The following ZACN variants were observed in gnomAD, a reference collection of about 807,000 sequenced individuals.
ZACN encodes the protein ligand-gated cation channel ZACN.
A neutral mutation model predicts 38.9 loss-of-function variants in ZACN; 52 were observed. The observed-to-expected ratio is 1.34, with a 90% CI of 1.07 to 1.68. The LOEUF (loss-of-function observed/expected upper bound fraction) is 1.68. ZACN is among the 40% of genes most tolerant of loss of function. The pLI, the probability that ZACN is intolerant of heterozygous loss-of-function variation, is 0.00. For missense variants in ZACN, 559 were observed against 525.6 expected, an observed-to-expected ratio of 1.06 and a Z score of -0.62; for synonymous variants, 235 against 227.4, an observed-to-expected ratio of 1.03 and a Z score of -0.30.
At chr17:76,080,042 C>A in intron 4 of ZACN, 48 bp downstream of exon 4, 1 of 1,501,444 alleles carries the variant, frequency 6.7e-7, no homozygotes, top group South Asian at 1.2e-5. Flanking sequence ...CATAGCCCTC[C>A]TTTTCCCCCA....
Position 76,081,404 on chromosome 17 carries a change from T to C in ZACN, c.669+2T>C, listed in dbSNP as rs775035609. 4 of 1,613,894 alleles carry C rather than the reference T, an allele frequency of 2.5e-6. No individual in the cohort carries two copies. Among genetic ancestry groups the C allele is most frequent in the African/African-American group, 2.7e-5 (2 of 74,902 alleles). On this transcript the variant is annotated splice_donor_variant, in intron 6 of 8. Transcript: ENST00000334586. LOFTEE classifies it high-confidence loss of function. ...CTGGTGCCCTGCTTCCAGGTGACGG[T>C]GAGTCAAGTCGGGAGGAGGCCGACA...
At position 76,082,459 on chromosome 17, in the gene ZACN, A is replaced by C. The variant is rs781738913; in HGVS notation, c.1049-4A>C. 3 of 1,603,600 alleles carry C rather than the reference A, an allele frequency of 1.9e-6. No individual in the cohort carries two copies. The African/African-American group carries it at 4.0e-5, about 21-fold the overall frequency. On this transcript the variant is annotated splice_region_variant and splice_polypyrimidine_tract_variant and intron_variant, in intron 8 of 8. Coordinates refer to ENST00000334586, the MANE Select transcript of ZACN (RefSeq NM_180990.4). ...AGCTCCTTTCCCTGTATCTCTCCCCACAGAGCCCTCCAGAGGAGTAAAGGG... is the reference window on the plus strand; with the variant it reads ...AGCTCCTTTCCCTGTATCTCTCCCCCCAGAGCCCTCCAGAGGAGTAAAGGG...
chr17:76,081,690 A>G lies in ZACN; in HGVS notation c.815A>G (p.Tyr272Cys). The change falls in exon 7 of 9, where the codon TAC becomes TGC. Residue 272 changes from tyrosine to cysteine, a missense_variant. Transcript: ENST00000334586. ...TACAAGGTGACATTGCTGCTGAGTT[A>G]CCTCGTCCTCCACTCCTCCCTGGTG... The part of the protein sequence containing the change: ...IGYKVTLLLS[Y>C]LVLHSSLVQA... 6.2e-7 allele frequency: 1 copy of G among 1,613,954 alleles called. No homozygotes were observed. The highest frequency in any genetic ancestry group is 8.5e-7 in the Non-Finnish European group (1 of 1,179,994).
Position 76,079,894 on chromosome 17 carries a change from C to G in ZACN, c.274C>G (p.Leu92Val), listed in dbSNP as rs201792263. Residue 92 changes from leucine to valine, a missense_variant, in exon 4 of 9, where the codon CTG becomes GTG. Leu to Val is a conservative substitution (Grantham distance 32). Transcript: ENST00000334586. ...SSMLLLRLSWLDTRLAWNTSA... is the reference protein window; with the variant it reads ...SSMLLLRLSWVDTRLAWNTSA... ...GGTGCCCTTGTGTCCCCAGTCCTGG[C>G]TGGACACTCGCCTGGCCTGGAACAC... The G allele has an allele frequency of 1.3e-6, 2 of 1,594,328 alleles. No homozygotes were observed. Among genetic ancestry groups the G allele is most frequent in the East Asian group, 4.6e-5 (2 of 43,592 alleles).
Position 76,082,529 on chromosome 17 carries a change from T to C in ZACN, c.1115T>C (p.Leu372Pro), listed in dbSNP as rs1212982084. The change falls in exon 9 of 9, where the codon CTC becomes CCC. Residue 372 changes from leucine (L) to proline (P), a missense_variant. Physicochemically the swap from Leu to Pro is moderately conservative, Grantham distance 98. Coordinates refer to ENST00000334586, the MANE Select transcript of ZACN (RefSeq NM_180990.4). ...WPETADRIFFLVYVVGVLCTQ... is the reference protein window; with the variant it reads ...WPETADRIFFPVYVVGVLCTQ... ...GAGACTGCTGACCGCATCTTCTTCC[T>C]CGTGTATGTGGTTGGGGTGCTGTGC... 6.2e-7 allele frequency: 1 copy of C among 1,613,862 alleles called. No individual in the cohort carries two copies. The highest frequency in any genetic ancestry group is 1.1e-5 in the South Asian group (1 of 91,086).
At chr17:76,082,219 G>A in intron 8 of ZACN, 170 bp downstream of exon 8, 1 of 929,640 alleles carries the variant, frequency 1.1e-6, no homozygotes, top group Non-Finnish European at 1.6e-6. Context: ...GTCTGGGGCA[G>A]GGAGCAAGCT....
chr17:76,080,264 G>A lies in ZACN; in HGVS notation c.384G>A (p.Val128=), dbSNP rs772540086. The A allele has an allele frequency of 5.0e-6, 8 of 1,613,256 alleles. No individual in the cohort carries two copies. Among genetic ancestry groups the A allele is most frequent in the South Asian group, 2.2e-5 (2 of 91,022 alleles). ...PRLTILEALW[V]DWRDQSPQAR... ...GTGCCTTTCCCCACAGGCTCTGGGT[G>A]GACTGGAGGGACCAGAGCCCCCAGG... Residue 128 remains valine, a synonymous_variant, in exon 5 of 9, where the codon GTG becomes GTA. Transcript: ENST00000334586.
In ZACN at chr17:76,079,537, GTGTT is replaced by G. The variant is rs750277182; in HGVS notation, c.200_203del (p.Phe67SerfsTer72). 59 of 1,614,098 alleles carry G rather than the reference GTGTT, an allele frequency of 3.7e-5. No individual in the cohort carries two copies. Among genetic ancestry groups the G allele is most frequent in the Non-Finnish European group, 5.0e-5 (59 of 1,180,056 alleles). On this transcript the variant is annotated frameshift_variant, in exon 2 of 9. Coordinates refer to ENST00000334586, the MANE Select transcript of ZACN (RefSeq NM_180990.4). LOFTEE classifies it high-confidence loss of function. Reference sequence around the variant, plus strand: ...TGCGCCCCTGCTCGTGGATGTGCGGGTGTTTGTCTCCAACGTGTTTAATGTGGTA... The same window carrying G: ...TGCGCCCCTGCTCGTGGATGTGCGGGTGTCTCCAACGTGTTTAATGTGGTA...
At chr17:76,082,252 G>T in intron 8 of ZACN, 1 of 775,820 alleles carries the variant, frequency 1.3e-6, no homozygotes, top group Admixed American at 3.0e-5. Flanking sequence ...AGTCCCAGGT[G>T]ACCTCAATCC....
chr17:76,079,820 A>G, intron 3 of ZACN, 68 bp from the exon 4 acceptor site: 1 of 1,602,326 alleles, frequency 6.2e-7, no homozygotes, highest in Non-Finnish European at 8.5e-7. Flanking sequence ...AGCCTTCATC[A>G]ACATGCTGAG....
At position 76,079,226 on chromosome 17, in the gene ZACN, T is replaced by C. The variant is rs773978535; in HGVS notation, c.-39T>C. ...AAGTGACTGGAATAGAGGTTGTAGC[T>C]TAGGCACCGCTGCTCCCTCCAGTCC... On this transcript the variant is annotated 5_prime_UTR_variant, in exon 1 of 9. Transcript: ENST00000334586. 1 of 1,563,434 alleles carries C rather than the reference T, an allele frequency of 6.4e-7. No homozygotes were observed. The highest frequency in any genetic ancestry group is 8.7e-7 in the Non-Finnish European group (1 of 1,148,346).
Position 76,082,513 on chromosome 17 carries a change from G to C in ZACN, c.1099G>C (p.Asp367His). ...ACAGAGAAGCTGGCCTGAGACTGCT[G>C]ACCGCATCTTCTTCCTCGTGTATGT... ...GSQRSWPETA[D>H]RIFFLVYVVG... Residue 367 changes from aspartate (D) to histidine (H), a missense_variant, in exon 9 of 9, where the codon GAC becomes CAC. Asp to His is a moderately conservative substitution (Grantham distance 81). Coordinates refer to ENST00000334586, the MANE Select transcript of ZACN (RefSeq NM_180990.4). The C allele has an allele frequency of 1.2e-6, 2 of 1,613,778 alleles. No homozygotes were observed. The highest frequency in any genetic ancestry group is 1.7e-6 in the Non-Finnish European group (2 of 1,179,910).
chr17:76,082,188 C>A, intron 8 of ZACN, 139 bp downstream of exon 8: 1 of 1,113,832 alleles, frequency 9.0e-7, no homozygotes, highest in South Asian at 1.6e-5. Flanking sequence ...CCACCATGTC[C>A]TCCTCCCTTA....
At chr17:76,079,862 C>T (rs1338996688) in intron 3 of ZACN, 26 bp from the exon 4 acceptor site, 1 of 1,587,350 alleles carries the variant, frequency 6.3e-7, no homozygotes. Flanking sequence ...AGAGCAGGAG[C>T]CTCAGTGGTG....
At chr17:76,080,682 G>C in intron 5 of ZACN, 1 of 628,110 alleles carries the variant, frequency 1.6e-6, no homozygotes, top group Non-Finnish European at 3.0e-6. Flanking sequence ...CCCTCTCTAG[G>C]GTGACAGACT....
rs1393520697 is a variant in ZACN, at chr17:76,082,469, C to T, written c.1055C>T (p.Ser352Phe). The T allele has an allele frequency of 6.2e-7, 1 of 1,611,070 alleles. No homozygotes were observed. The change falls in exon 9 of 9, where the codon TCC (serine) becomes TTC (phenylalanine). Residue 352 changes from serine to phenylalanine, a missense_variant. Ser to Phe is a radical substitution (Grantham distance 155). Transcript: ENST00000334586. ...NPGPHPAEEPSRGVKGSQRSW... is the reference protein window; with the variant it reads ...NPGPHPAEEPFRGVKGSQRSW... Reference sequence around the variant, plus strand: ...CCTGTATCTCTCCCCACAGAGCCCTCCAGAGGAGTAAAGGGGTCACAGAGA... The same window carrying T: ...CCTGTATCTCTCCCCACAGAGCCCTTCAGAGGAGTAAAGGGGTCACAGAGA...
chr17:76,082,798 C>T lies in ZACN; in HGVS notation c.*145C>T. On this transcript the variant is annotated 3_prime_UTR_variant, in exon 9 of 9. Coordinates refer to ENST00000334586, the MANE Select transcript of ZACN (RefSeq NM_180990.4). ...CACAGAGCGTGAAATAAACCCATCT[C>T]CAGTGCAAGTGTGCCTCAAGGGTCA... is the stretch of plus-strand genomic sequence containing the variant. 1 of 757,916 alleles carries T rather than the reference C, an allele frequency of 1.3e-6. No individual in the cohort carries two copies. Among genetic ancestry groups the T allele is most frequent in the Non-Finnish European group, 2.0e-6 (1 of 509,514 alleles). 46.9% of individuals were successfully genotyped at this position (757,916 alleles called of 1,614,324 possible). A position where few individuals can be genotyped will look rare whatever the true frequency, so the allele number is the denominator to read the frequency against.
Position 76,079,197 on chromosome 17 carries a change from A to T in ZACN, c.-68A>T. ...GCCTCTGGCTAATTGCTCAGCTGCC[A>T]GAGAAGTGACTGGAATAGAGGTTGT... On this transcript the variant is annotated 5_prime_UTR_variant, in exon 1 of 9. Coordinates refer to ENST00000334586, the MANE Select transcript of ZACN (RefSeq NM_180990.4). The T allele has an allele frequency of 6.8e-7, 1 of 1,461,850 alleles. No homozygotes were observed. 90.6% of individuals were successfully genotyped at this position (1,461,850 alleles called of 1,614,324 possible).
Position 76,079,742 on chromosome 17 carries a change from G to T in ZACN, c.263G>T (p.Arg88Met). The change falls in exon 3 of 9, where the codon AGG becomes ATG. Residue 88 changes from arginine (R) to methionine (M), a missense_variant. By Grantham distance (91) the Arg-to-Met change is moderately conservative. Transcript: ENST00000334586. ...RYTMSSMLLL[R>M]LSWLDTRLAW... The stretch of plus-strand genomic sequence containing the variant: ...ACAATGTCCTCCATGCTGCTGCTTA[G>T]GCTGGTGAGCTCCTATGCCTGGGGA... 6.2e-7 allele frequency: 1 copy of T among 1,613,612 alleles called. No individual in the cohort carries two copies. The highest frequency in any genetic ancestry group is 8.5e-7 in the Non-Finnish European group (1 of 1,179,688).
Sources: allele counts gnomAD v4.1 joint callset, GRCh38; gene constraint gnomAD v4.1.1; transcripts MANE v1.5; gene names NCBI Gene and HGNC (gene_info 2026-07-23, HGNC 2026-07-21).